The following PLXDC2 variants were observed in gnomAD, a reference collection of about 807,000 sequenced individuals.
PLXDC2 encodes the protein plexin domain containing 2.
Under a neutral mutation model 68.9 loss-of-function variants are expected in PLXDC2, and 40 were observed. The observed-to-expected ratio is 0.58, with a 90% CI of 0.45 to 0.76. The LOEUF (loss-of-function observed/expected upper bound fraction) is 0.76, where lower values mean the gene tolerates loss of function less well. PLXDC2 is among the 30% of genes least tolerant of loss of function. PLXDC2 has a pLI of 0.00. For missense variants in PLXDC2, 644 were observed against 661.9 expected (o/e 0.97, Z 0.30); for synonymous variants, 243 against 234.2 (o/e 1.04, Z -0.34).
intron 1 of PLXDC2, among the ~76,000 whole-genome samples, chr10:19,932,111 A>G (rs1050553327): frequency 6.6e-6 from 1 of 152,174 alleles, no homozygotes; most frequent in African/African-American, 2.4e-5. Flanking sequence ...TCCTAGGTCA[A>G]CATCCCTTCC....
chr10:20,132,273 A>T (rs953117017), intron 4 of PLXDC2, among the ~76,000 whole-genome samples: 1 of 152,026 alleles, frequency 6.6e-6, no homozygotes, highest in Non-Finnish European at 1.5e-5. Flanking sequence ...ACGTGGATCT[A>T]TCCTAACAAA....
In PLXDC2 at chr10:20,147,941, T is replaced by C. The variant is rs773706928; in HGVS notation, c.783+39T>C. The C allele has an allele frequency of 9.4e-6, 13 of 1,379,158 alleles. No homozygotes were observed. In the South Asian group the frequency reaches 1.5e-4, roughly 16 times the overall value. The allele number at this position is 1,379,158 out of a possible 1,614,324, so 85.4% of individuals were successfully genotyped here. A position where few individuals can be genotyped will look rare whatever the true frequency, so the allele number is the denominator to read the frequency against. On this transcript the variant is annotated intron_variant, in intron 6 of 13. Transcript: ENST00000377252. ...TGATAATTTCTTTCCCTTCCCCTTGTTCTTGACTGCTGCCTTTCCTCCAAA... is the reference window on the plus strand; with the variant it reads ...TGATAATTTCTTTCCCTTCCCCTTGCTCTTGACTGCTGCCTTTCCTCCAAA...
chr10:19,878,017 C>A (rs1021634592), intron 1 of PLXDC2, among the ~76,000 whole-genome samples: 24 of 152,138 alleles, frequency 1.6e-4, no homozygotes, highest in African/African-American at 5.3e-4. Flanking sequence ...TGAGAATATG[C>A]ATAGTAAAGA....
intron 1 of PLXDC2, among the ~76,000 whole-genome samples, chr10:19,819,915 G>A (rs1291295971): frequency 6.6e-6 from 1 of 152,176 alleles, no homozygotes; most frequent in African/African-American, 2.4e-5. Context: ...GTTAATTCAA[G>A]TGAACATTTA....
At chr10:19,973,963 G>A (rs1834404927) in intron 1 of PLXDC2, among the ~76,000 whole-genome samples, 2 of 152,138 alleles carry the variant, frequency 1.3e-5, no homozygotes, top group South Asian at 4.1e-4. Context: ...TTTTTCAAGA[G>A]AGTTTTATAG....
intron 1 of PLXDC2, among the ~76,000 whole-genome samples, chr10:19,914,386 T>C (rs1402612683): frequency 6.6e-6 from 1 of 152,228 alleles, no homozygotes; most frequent in African/African-American, 2.4e-5. Flanking sequence ...TCAGTAGATA[T>C]TCCATTGATT....
chr10:19,984,839 T>C (rs1023931451), intron 1 of PLXDC2, among the ~76,000 whole-genome samples: 27 of 152,210 alleles, frequency 1.8e-4, no homozygotes, highest in African/African-American at 5.5e-4. Context: ...TAGTGCATTC[T>C]GAAGTTTGAG....
chr10:19,840,116 A>G lies in PLXDC2; in HGVS notation c.112+22925A>G, dbSNP rs35517055. ...GTCCTGTAGATTCTTTTTCTTCACTAAAATCTATCTTGGAAATGCCAGTGG... is the reference window on the plus strand; with the variant it reads ...GTCCTGTAGATTCTTTTTCTTCACTGAAATCTATCTTGGAAATGCCAGTGG... On this transcript the variant is annotated intron_variant, in intron 1 of 13. Transcript: ENST00000377252. 1.3e-4 allele frequency among the ~76,000 whole-genome samples: 20 copies of G among 152,300 alleles called. No homozygotes were observed. The East Asian group carries it at 3.7e-3, about 28-fold the overall frequency.
At chr10:20,163,446 A>G (rs1456981227) in intron 6 of PLXDC2, among the ~76,000 whole-genome samples, 2 of 152,064 alleles carry the variant, frequency 1.3e-5, no homozygotes, top group African/African-American at 4.8e-5. Context: ...CACTTATTAT[A>G]TATTCTCTCC....
At chr10:19,825,046 T>C (rs7914996) in intron 1 of PLXDC2, among the ~76,000 whole-genome samples, 109,404 of 151,912 alleles carry the variant, frequency 0.72, 40,285 homozygotes, top group African/African-American at 0.86. Context: ...TACCTTTACC[T>C]TACCCTTCAA....
intron 6 of PLXDC2, among the ~76,000 whole-genome samples, chr10:20,164,131 A>G (rs1167446693): frequency 6.6e-6 from 1 of 152,194 alleles, no homozygotes; most frequent in Non-Finnish European, 1.5e-5. Context: ...TGTTTCCAAA[A>G]TTATAGCCAG....
chr10:19,977,463 C>T (rs1330882646), intron 1 of PLXDC2, among the ~76,000 whole-genome samples: 2 of 152,164 alleles, frequency 1.3e-5, no homozygotes, highest in Non-Finnish European at 2.9e-5. Context: ...GGGGAGGGGG[C>T]AGAGGGCAAA....
Position 19,816,554 on chromosome 10 carries a change from T to C in PLXDC2, c.-526T>C, listed in dbSNP as rs1589480577. ...AAAGAAGCAAAACTTGTCGGGAGGG[T>C]TTCGTCATCAACCTCCTTCCCGCAA... On this transcript the variant is annotated 5_prime_UTR_variant, in exon 1 of 14. Transcript: ENST00000377252. 1 of 154,206 alleles carries C rather than the reference T, an allele frequency of 6.5e-6. No homozygotes were observed. The highest frequency in any genetic ancestry group is 6.4e-5 in the Admixed American group (1 of 15,608). 9.6% of individuals were successfully genotyped at this position (154,206 alleles called of 1,614,324 possible).
chr10:20,279,811 C>T lies in PLXDC2; in HGVS notation c.1582C>T (p.Gln528Ter). Residue 528 changes from glutamine to a stop codon, truncating the protein, a stop_gained, in exon 14 of 14, where the codon CAG becomes TAG. Coordinates refer to ENST00000377252, the MANE Select transcript of PLXDC2 (RefSeq NM_032812.9). LOFTEE classifies it high-confidence loss of function. ...GEKEGFIVSE[Q>*]C ...GAAAGAAGGCTTTATTGTATCAGAGCAGTGCTAAAATTTCTAGGACAGAAC... is the reference window on the plus strand; with the variant it reads ...GAAAGAAGGCTTTATTGTATCAGAGTAGTGCTAAAATTTCTAGGACAGAAC... 1 of 1,613,674 alleles carries T rather than the reference C, an allele frequency of 6.2e-7. No individual in the cohort carries two copies. The highest frequency in any genetic ancestry group is 8.5e-7 in the Non-Finnish European group (1 of 1,179,692).
At chr10:20,183,408 A>G (rs1834633844) in intron 9 of PLXDC2, among the ~76,000 whole-genome samples, 1 of 152,016 alleles carries the variant, frequency 6.6e-6, no homozygotes, top group African/African-American at 2.4e-5. Context: ...AAATACATTT[A>G]CATACAGGTA....
intron 4 of PLXDC2, among the ~76,000 whole-genome samples, chr10:20,094,463 A>T (rs1245627179): frequency 6.6e-6 from 1 of 152,136 alleles, no homozygotes; most frequent in Non-Finnish European, 1.5e-5. Context: ...TTCTCTCTGG[A>T]ATTGTGCTCT....
intron 4 of PLXDC2, among the ~76,000 whole-genome samples, chr10:20,084,799 A>G (rs1833166892): frequency 6.6e-6 from 1 of 151,766 alleles, no homozygotes; most frequent in African/African-American, 2.4e-5. Flanking sequence ...AATTTCCTCT[A>G]TCTTATATTT....
At chr10:20,226,799 G>T (rs76807330) in intron 12 of PLXDC2, among the ~76,000 whole-genome samples, 3 of 152,002 alleles carry the variant, frequency 2.0e-5, no homozygotes, top group Non-Finnish European at 2.9e-5. Flanking sequence ...CCTCCCTTTG[G>T]TGGATACCTA....
intron 4 of PLXDC2, among the ~76,000 whole-genome samples, chr10:20,122,590 T>C (rs1189805591): frequency 6.6e-6 from 1 of 152,236 alleles, no homozygotes; most frequent in Non-Finnish European, 1.5e-5. Flanking sequence ...CAGGCATTCC[T>C]TGGCCTTGTG....
Sources: allele counts gnomAD v4.1 joint callset (sites outside exome capture counted in the v4.1 genomes callset), GRCh38; gene constraint gnomAD v4.1.1; transcripts MANE v1.5; gene names NCBI Gene and HGNC (gene_info 2026-07-23, HGNC 2026-07-21).